Variants in VAV2 observed in about 807,000 individuals in gnomAD.
VAV2 encodes the protein vav guanine nucleotide exchange factor 2.
Under a neutral mutation model 132.5 loss-of-function variants are expected in VAV2, and 67 were observed. The ratio of observed to expected loss-of-function variants is 0.51; its 90% CI spans 0.42 to 0.62. The LOEUF (loss-of-function observed/expected upper bound fraction) is 0.62. Among genes scored for constraint, VAV2 ranks in the 20% least tolerant of loss-of-function variants. VAV2 has a pLI of 0.00. For synonymous variants in VAV2, 492 were observed against 443.5 expected (o/e 1.11, Z -1.37); for missense variants, 938 against 1,153.6 (o/e 0.81, Z 2.71).
In VAV2 at chr9:133,783,455, A is replaced by G. The variant is rs1264343325; in HGVS notation, c.1723+48T>C. ...ACCCAGGTGGTAGGGGGCAGAAGTGAGCAGGCGTGGCCAGGGACTGGGGTG... is the reference window on the plus strand; with the variant it reads ...ACCCAGGTGGTAGGGGGCAGAAGTGGGCAGGCGTGGCCAGGGACTGGGGTG... On this transcript the variant is annotated intron_variant, in intron 19 of 29. Coordinates refer to ENST00000371850, the MANE Select transcript of VAV2 (RefSeq NM_001134398.2). 7 of 1,545,734 alleles carry G rather than the reference A, an allele frequency of 4.5e-6. No homozygotes were observed. The African/African-American group carries it at 4.8e-5, about 11-fold the overall frequency.
intron 2 of VAV2, among the ~76,000 whole-genome samples, chr9:133,864,434 G>A (rs752561945): frequency 1.3e-5 from 2 of 152,238 alleles, no homozygotes; most frequent in Non-Finnish European, 2.9e-5. Context: ...GGGGACTGGA[G>A]AGCTCAGAGG....
chr9:133,960,067 T>A (rs898670099), intron 1 of VAV2, among the ~76,000 whole-genome samples: 1 of 152,130 alleles, frequency 6.6e-6, no homozygotes, highest in Admixed American at 6.5e-5. Flanking sequence ...CAGGCCCTCG[T>A]CTCTGAGGCA....
chr9:133,887,728 G>A (rs1179007674), intron 2 of VAV2, among the ~76,000 whole-genome samples: 2 of 152,106 alleles, frequency 1.3e-5, no homozygotes, highest in Non-Finnish European at 2.9e-5. Flanking sequence ...CCAGAGGGAT[G>A]ACGGCCAGCC....
intron 2 of VAV2, among the ~76,000 whole-genome samples, chr9:133,873,613 C>T (rs552975830): frequency 3.5e-4 from 54 of 152,332 alleles, no homozygotes; most frequent in Non-Finnish European, 5.4e-4. Context: ...TTCCTAATGC[C>T]AGCACGGAAG....
intron 1 of VAV2, among the ~76,000 whole-genome samples, chr9:133,944,324 TGGCATCTAGCC>T (rs1841284473): frequency 6.6e-6 from 1 of 152,136 alleles, no homozygotes; most frequent in African/African-American, 2.4e-5. Flanking sequence ...CCTCCAGAGC[TGGCATCTAGCC>T]GGCATGACCT....
Position 133,772,202 on chromosome 9 carries a change from G to A in VAV2, c.2136-156C>T, listed in dbSNP as rs56259882. 1.2e-4 allele frequency among the ~76,000 whole-genome samples: 17 copies of A among 137,936 alleles called. No individual in the cohort carries two copies. In the East Asian group the frequency reaches 2.5e-3, roughly 21 times the overall value. 90.5% of individuals were successfully genotyped at this position (137,936 alleles called of 152,430 possible). ...CAGCCCTGTCCTACCCCAGCCCTTC[G>A]GGCCACCAGCCCCAGACAGCTCCTG... is the stretch of plus-strand genomic sequence containing the variant. On this transcript the variant is annotated intron_variant, in intron 25 of 29. Coordinates refer to ENST00000371850, the MANE Select transcript of VAV2 (RefSeq NM_001134398.2).
At chr9:133,933,727 ATGG>A (rs796583903) in intron 2 of VAV2, among the ~76,000 whole-genome samples, 55 of 54,640 alleles carry the variant, frequency 1.0e-3, no homozygotes, top group Admixed American at 7.8e-3. Context: ...GGATGGATGG[ATGG>A]TGGATGAATG....
At position 133,905,259 on chromosome 9, in the gene VAV2, T is replaced by C. The variant is rs1466162934; in HGVS notation, c.321+33844A>G. ...GCCTGGCCAACACGGTGAAACCCCA[T>C]CTCTACTAAAAAAAAAAATACAAAA... On this transcript the variant is annotated intron_variant, in intron 2 of 29. Transcript: ENST00000371850. Among the ~76,000 whole-genome samples, 3 of 97,442 alleles carry C rather than the reference T, an allele frequency of 3.1e-5. No homozygotes were observed. The East Asian group carries it at 1.1e-3, about 35-fold the overall frequency. 63.9% of individuals were successfully genotyped at this position (97,442 alleles called of 152,430 possible).
intron 2 of VAV2, among the ~76,000 whole-genome samples, chr9:133,872,520 C>A (rs10114138): frequency 0.16 from 24,142 of 151,472 alleles, 2,461 homozygotes; most frequent in African/African-American, 0.29. Context: ...CTTGAAGGGT[C>A]GGGGTCCTAG....
At chr9:133,891,081 A>G (rs1838911517) in intron 2 of VAV2, among the ~76,000 whole-genome samples, 1 of 151,054 alleles carries the variant, frequency 6.6e-6, no homozygotes, top group African/African-American at 2.4e-5. Context: ...GGCAAAGAAG[A>G]TTTTCTCTCC....
At chr9:133,949,282 G>A (rs575725771) in intron 1 of VAV2, among the ~76,000 whole-genome samples, 5 of 152,130 alleles carry the variant, frequency 3.3e-5, no homozygotes, top group Non-Finnish European at 7.4e-5. Context: ...CTTCCCCGAG[G>A]ACGCCCTGAC....
At chr9:133,787,008 C>T (rs1302622916) in intron 16 of VAV2, among the ~76,000 whole-genome samples, 1 of 152,200 alleles carries the variant, frequency 6.6e-6, no homozygotes, top group East Asian at 1.9e-4. Context: ...CAGCCTCTGA[C>T]CCCGAGCTCC....
In VAV2 at chr9:133,919,386, G is replaced by A. The variant is rs542732322; in HGVS notation, c.321+19717C>T. Among the ~76,000 whole-genome samples the A allele has an allele frequency of 3.9e-5, 6 of 152,328 alleles. No homozygotes were observed. Among genetic ancestry groups the A allele is most frequent in the African/African-American group, 1.4e-4 (6 of 41,572 alleles). ...ACCGGGCTTTGAAACCAGATCCTGG[G>A]AGCTGCAGACCATAATCTCTGCTTC... On this transcript the variant is annotated intron_variant, in intron 2 of 29. Coordinates refer to ENST00000371850, the MANE Select transcript of VAV2 (RefSeq NM_001134398.2). This position sits in a 1 kb window ranked among gnomAD's most constrained non-coding sequence, Gnocchi z 5.8.
At chr9:133,775,111 C>CACGCACGGAGGGCTGGGCACCCTT in intron 24 of VAV2, 60 bp from the exon 25 acceptor site, 2 of 1,435,968 alleles carry the variant, frequency 1.4e-6, no homozygotes, top group Non-Finnish European at 9.5e-7. Context: ...TGAGGGGTGC[C>CACGCACGGAGGGCTGGGCACCCTT]CAGCCCTCCG....
intron 2 of VAV2, among the ~76,000 whole-genome samples, chr9:133,902,271 G>A (rs1839475299): frequency 6.6e-6 from 1 of 152,250 alleles, no homozygotes; most frequent in African/African-American, 2.4e-5. Context: ...ACATGCACAG[G>A]GCCTGGGACA....
chr9:133,787,408 G>A, intron 15 of VAV2, 148 bp from the exon 16 acceptor site: 1 of 943,858 alleles, frequency 1.1e-6, no homozygotes, highest in Non-Finnish European at 1.5e-6. Flanking sequence ...GGTGATCAGT[G>A]GGGAAAGGAA....
Position 133,812,188 on chromosome 9 carries a change from C to G in VAV2, c.478G>C (p.Asp160His), listed in dbSNP as rs377547961. The change falls in exon 5 of 30, where the codon GAC becomes CAC. Residue 160 changes from aspartate (D) to histidine (H), a missense_variant. Coordinates refer to ENST00000371850, the MANE Select transcript of VAV2 (RefSeq NM_001134398.2). ...CCTCCATCCTCACACGGGACGCAGT[C>G]GTAGATGTCCTCCCCCAGGTCATGC... is the stretch of plus-strand genomic sequence containing the variant. ...DEHDLGEDIY[D>H]CVPCEDGGDD... is the part of the protein sequence containing the mutation. 1 of 1,613,940 alleles carries G rather than the reference C, an allele frequency of 6.2e-7. No homozygotes were observed. Among genetic ancestry groups the G allele is most frequent in the Admixed American group, 1.7e-5 (1 of 60,028 alleles).
intron 1 of VAV2, among the ~76,000 whole-genome samples, chr9:133,946,676 A>G (rs1193153481): frequency 6.6e-6 from 1 of 152,274 alleles, no homozygotes; most frequent in East Asian, 1.9e-4. Context: ...CGTGCTGATC[A>G]GAAGCTCTGA....
chr9:133,899,901 G>C (rs1178859932), intron 2 of VAV2, among the ~76,000 whole-genome samples: 1 of 151,468 alleles, frequency 6.6e-6, no homozygotes, highest in Admixed American at 6.6e-5. Context: ...GGCACCCGTA[G>C]TCCCAGCTAC....
Sources: allele counts gnomAD v4.1 joint callset (sites outside exome capture counted in the v4.1 genomes callset), GRCh38; gene constraint gnomAD v4.1.1; non-coding constraint Gnocchi (gnomAD v3.1); transcripts MANE v1.5; gene names NCBI Gene and HGNC (gene_info 2026-07-23, HGNC 2026-07-21).